Variants in VPS41 observed in about 807,000 individuals in gnomAD.
The protein encoded by VPS41 is vacuolar protein sorting-associated protein 41 homolog.
VPS41 carries 85 observed loss-of-function variants against 130.9 expected under a neutral mutation model. The observed-to-expected ratio is 0.65, with a 90% CI of 0.55 to 0.78. VPS41 has a LOEUF of 0.78. Among genes scored for constraint, VPS41 ranks in the 30% least tolerant of loss-of-function variants. The pLI is 0.00. For missense variants in VPS41, 874 were observed against 1,018.7 expected (o/e 0.86, Z 1.93); for synonymous variants, 335 against 332.9 (o/e 1.01, Z -0.07).
intron 4 of VPS41, 116 bp from the exon 5 acceptor site, chr7:38,830,444 G>A (rs1785364968): frequency 1.3e-6 from 1 of 754,312 alleles, no homozygotes; most frequent in Non-Finnish European, 2.4e-6. Context: ...AATAATGACA[G>A]TTTCCAACTA....
At chr7:38,764,978 C>T (rs1304021736) in intron 16 of VPS41, among the ~76,000 whole-genome samples, 1 of 152,094 alleles carries the variant, frequency 6.6e-6, no homozygotes, top group African/African-American at 2.4e-5. Flanking sequence ...GGAGGAGTCA[C>T]ACGGTTGACA....
chr7:38,854,492 G>A (rs557155406), intron 4 of VPS41, among the ~76,000 whole-genome samples: 1 of 152,286 alleles, frequency 6.6e-6, no homozygotes, highest in South Asian at 2.1e-4. Flanking sequence ...AAAGAGTTAG[G>A]CTGTTTAGGT....
At chr7:38,745,169 T>C (rs1377347771) in intron 23 of VPS41, among the ~76,000 whole-genome samples, 6 of 152,224 alleles carry the variant, frequency 3.9e-5, no homozygotes, top group Admixed American at 2.0e-4. Context: ...TGGTATTCAA[T>C]TGCATTTCCT....
At chr7:38,745,978 G>C (rs1795977811) in intron 22 of VPS41, 3 of 193,520 alleles carry the variant, frequency 1.6e-5, no homozygotes. Flanking sequence ...ATTTGTTTAA[G>C]CTCTGTTTCC....
At chr7:38,878,141 T>C (rs1786529261) in intron 2 of VPS41, among the ~76,000 whole-genome samples, 1 of 152,036 alleles carries the variant, frequency 6.6e-6, no homozygotes, top group Non-Finnish European at 1.5e-5. Flanking sequence ...GGACCTCTAA[T>C]AGCAGGAAGG....
intron 10 of VPS41, among the ~76,000 whole-genome samples, chr7:38,784,369 G>A (rs1784401086): frequency 6.6e-6 from 1 of 152,190 alleles, no homozygotes; most frequent in African/African-American, 2.4e-5. Flanking sequence ...CGGGTATGGT[G>A]GCTCACGCCT....
Position 38,730,573 on chromosome 7 carries a change from G to A in VPS41, c.2260-1782C>T, listed in dbSNP as rs561931869. 2.0e-5 allele frequency among the ~76,000 whole-genome samples: 3 copies of A among 151,006 alleles called. No individual in the cohort carries two copies. In the South Asian group the frequency reaches 6.3e-4, roughly 32 times the overall value. Reference sequence around the variant, plus strand: ...ATTCTACCAGGAATCAATTTTTTTTGGATTTTTAAAAAAATACATTAAAAT... The same window carrying A: ...ATTCTACCAGGAATCAATTTTTTTTAGATTTTTAAAAAAATACATTAAAAT... On this transcript the variant is annotated intron_variant, in intron 25 of 28. Transcript: ENST00000310301.
In VPS41 at chr7:38,743,430, A is replaced by ATCT; in HGVS notation, c.2091_2093dup (p.Glu697dup). 6.2e-7 allele frequency: 1 copy of ATCT among 1,613,978 alleles called. No individual in the cohort carries two copies. Among genetic ancestry groups the ATCT allele is most frequent in the East Asian group, 2.2e-5 (1 of 44,862 alleles). ...GTTTGTCAATGGAATATAAAATCAA[A>ATCT]TCTTCCCACAGCTCTCCATCATCTT... On this transcript the variant is annotated inframe_insertion, in exon 24 of 29. Transcript: ENST00000310301.
chr7:38,796,560 T>G, intron 8 of VPS41, 185 bp downstream of exon 8: 2 of 819,082 alleles, frequency 2.4e-6, no homozygotes, highest in Non-Finnish European at 4.0e-6. Flanking sequence ...TGGGAATTAC[T>G]ATATTATGAA....
At chr7:38,797,715 T>C (rs1469086588) in intron 7 of VPS41, among the ~76,000 whole-genome samples, 2 of 152,190 alleles carry the variant, frequency 1.3e-5, no homozygotes, top group Non-Finnish European at 2.9e-5. Flanking sequence ...ACAAGCAATT[T>C]CAGTCTACCT....
intron 2 of VPS41, among the ~76,000 whole-genome samples, chr7:38,884,836 A>C (rs1182282988): frequency 6.6e-6 from 1 of 152,072 alleles, no homozygotes; most frequent in African/African-American, 2.4e-5. Context: ...AGACCTCAAA[A>C]CACTTCACTT....
At chr7:38,829,668 T>A (rs1026064331) in intron 5 of VPS41, among the ~76,000 whole-genome samples, 2 of 152,232 alleles carry the variant, frequency 1.3e-5, no homozygotes, top group African/African-American at 4.8e-5. Flanking sequence ...TAATTGTTAG[T>A]TATACACTGC....
intron 4 of VPS41, among the ~76,000 whole-genome samples, chr7:38,830,665 T>C (rs1455103437): frequency 1.3e-5 from 2 of 151,968 alleles, no homozygotes; most frequent in Non-Finnish European, 2.9e-5. Context: ...AGACCAAGGC[T>C]CCCAGACCTC....
intron 2 of VPS41, among the ~76,000 whole-genome samples, chr7:38,876,029 G>T (rs1263485796): frequency 6.6e-6 from 1 of 152,156 alleles, no homozygotes; most frequent in Admixed American, 6.5e-5. Context: ...TCAGCCAGAG[G>T]TGATTTTTGT....
Position 38,752,307 on chromosome 7 carries a change from G to A in VPS41, c.1795C>T (p.His599Tyr). ...TGGTGGTCTCTCTTGAAAAGCTTATGCAAATACTAAAAGGAACAAAAGATA... is the reference window on the plus strand; with the variant it reads ...TGGTGGTCTCTCTTGAAAAGCTTATACAAATACTAAAAGGAACAAAAGATA... The part of the protein sequence containing the change: ...DRPELQHVYL[H>Y]KLFKRDHHKG... The change falls in exon 22 of 29, where the codon CAT becomes TAT. Residue 599 changes from histidine to tyrosine, a missense_variant. Coordinates refer to ENST00000310301, the MANE Select transcript of VPS41 (RefSeq NM_014396.4). 3 of 1,613,620 alleles carry A rather than the reference G, an allele frequency of 1.9e-6. No individual in the cohort carries two copies. Among genetic ancestry groups the A allele is most frequent in the Non-Finnish European group, 2.5e-6 (3 of 1,179,752 alleles).
At chr7:38,894,915 TA>T (rs1189454396) in intron 2 of VPS41, among the ~76,000 whole-genome samples, 22 of 152,214 alleles carry the variant, frequency 1.4e-4, no homozygotes, top group Non-Finnish European at 2.9e-4. Flanking sequence ...TCCTCAATCT[TA>T]AAATAACTAC....
At chr7:38,873,234 C>T (rs890175858) in intron 2 of VPS41, among the ~76,000 whole-genome samples, 18 of 151,640 alleles carry the variant, frequency 1.2e-4, no homozygotes, top group African/African-American at 3.1e-4. Context: ...GCTTTTCTGA[C>T]GGGTATCTTT....
intron 8 of VPS41, 120 bp from the exon 9 acceptor site, chr7:38,795,731 T>G (rs938477819): frequency 1.9e-5 from 17 of 894,218 alleles, no homozygotes; most frequent in Non-Finnish European, 2.7e-5. Context: ...CAGTGTTTAC[T>G]GAGCATGCAA....
In VPS41 at chr7:38,869,244, T is replaced by C; in HGVS notation, c.70A>G (p.Ser24Gly). The C allele has an allele frequency of 6.2e-7, 1 of 1,610,968 alleles. No homozygotes were observed. Among genetic ancestry groups the C allele is most frequent in the Non-Finnish European group, 8.5e-7 (1 of 1,178,246 alleles). The change falls in exon 3 of 29, where the codon AGC becomes GGC. Residue 24 changes from serine to glycine, a missense_variant. By Grantham distance (56) the Ser-to-Gly change is moderately conservative. Transcript: ENST00000310301. ...ESTDESEEEE[S>G]EEEPKLKYER... ...TACTTCAGCTTGGGTTCCTCTTCGCTCTCTTCTTCCTGCACAAACGGCAAA... is the reference window on the plus strand; with the variant it reads ...TACTTCAGCTTGGGTTCCTCTTCGCCCTCTTCTTCCTGCACAAACGGCAAA...
Sources: allele counts gnomAD v4.1 joint callset (sites outside exome capture counted in the v4.1 genomes callset), GRCh38; gene constraint gnomAD v4.1.1; transcripts MANE v1.5; gene names NCBI Gene and HGNC (gene_info 2026-07-23, HGNC 2026-07-21).